PTPN12: variants seen among roughly 807,000 people sequenced by gnomAD.
The protein encoded by PTPN12 is tyrosine-protein phosphatase non-receptor type 12.
A neutral mutation model predicts 97.6 loss-of-function variants in PTPN12; 29 were observed. That is an observed-to-expected ratio of 0.30 (90% CI 0.22 to 0.41). The LOEUF (loss-of-function observed/expected upper bound fraction) is 0.41. Ranked by LOEUF, PTPN12 falls within the 10% of genes least tolerant of loss-of-function variation. The probability of loss-of-function intolerance (pLI) is 1.00; values close to 1 mark genes in which losing one functional copy is unlikely to be tolerated. For missense variants in PTPN12, 819 were observed against 926.0 expected (o/e 0.88, Z 1.50); for synonymous variants, 327 against 300.4 (o/e 1.09, Z -0.91).
At chr7:77,628,650 G>A (rs149765508) in intron 13 of PTPN12, among the ~76,000 whole-genome samples, 60 of 150,104 alleles carry the variant, frequency 4.0e-4, no homozygotes, top group African/African-American at 1.2e-3. Context: ...GCAAGATCTC[G>A]GCTCAGCCTC....
chr7:77,631,294 C>G (rs1015663297), intron 13 of PTPN12, among the ~76,000 whole-genome samples: 1 of 152,150 alleles, frequency 6.6e-6, no homozygotes, highest in South Asian at 2.1e-4. Context: ...TATTTTCTTG[C>G]GTCTCCAGCT....
At chr7:77,619,315 C>T (rs1161058446) in intron 12 of PTPN12, among the ~76,000 whole-genome samples, 1 of 152,170 alleles carries the variant, frequency 6.6e-6, no homozygotes, top group East Asian at 1.9e-4. Flanking sequence ...CCAATTGTTT[C>T]CATCTTAAAA....
chr7:77,538,783 G>A (rs1232795437), intron 1 of PTPN12: 1 of 152,066 alleles, frequency 6.6e-6, no homozygotes, highest in African/African-American at 2.4e-5. Flanking sequence ...CCCGGCTTAG[G>A]AGGCGGTGGT....
At chr7:77,616,874 T>C (rs9641260) in intron 11 of PTPN12, among the ~76,000 whole-genome samples, 109,879 of 151,938 alleles carry the variant, frequency 0.72, 41,108 homozygotes, top group East Asian at 0.9. Context: ...CCTCTGCCTC[T>C]CAGGTTCAAG....
intron 12 of PTPN12, among the ~76,000 whole-genome samples, chr7:77,618,932 C>T (rs562932906): frequency 3.3e-5 from 5 of 152,268 alleles, no homozygotes; most frequent in South Asian, 2.1e-4. Flanking sequence ...TATTTAATAA[C>T]GTTACTAGCA....
At chr7:77,566,810 G>A (rs1489488009) in intron 1 of PTPN12, among the ~76,000 whole-genome samples, 1 of 152,096 alleles carries the variant, frequency 6.6e-6, no homozygotes, top group Non-Finnish European at 1.5e-5. Context: ...AAAGTCACAC[G>A]ATAAAGGGTG....
In PTPN12 at chr7:77,583,633, TG is replaced by T. The variant is rs1344593736; in HGVS notation, c.367del (p.Glu123SerfsTer5). On this transcript the variant is annotated frameshift_variant, in exon 4 of 18. Transcript: ENST00000248594. LOFTEE classifies it high-confidence loss of function. ...AGTAATAGATTTTTGGAGGATGATA[TG>T]GGAGTATAATGTTGTGGTAAGTAAT... ...NTVIDFWRMIWEYNVVIIVMA... is the reference protein window; with the variant it reads ...NTVIDFWRMIXEYNVVIIVMA... The T allele has an allele frequency of 6.3e-7, 1 of 1,597,012 alleles. No individual in the cohort carries two copies. Among genetic ancestry groups the T allele is most frequent in the Non-Finnish European group, 8.6e-7 (1 of 1,166,990 alleles).
chr7:77,638,568 A>G (rs1789687304), intron 16 of PTPN12, 56 bp from the exon 17 acceptor site: 18 of 1,488,636 alleles, frequency 1.2e-5, no homozygotes, highest in Non-Finnish European at 1.3e-5. Flanking sequence ...AAAGAGTTAT[A>G]TATATATGAT....
chr7:77,611,295 T>G (rs17381939), intron 11 of PTPN12, among the ~76,000 whole-genome samples: 2,796 of 152,374 alleles, frequency 0.018, 33 homozygotes, highest in Middle Eastern at 0.071. Context: ...TCAAAAATCA[T>G]ATAATTCGTT....
At chr7:77,604,512 C>T (rs2151366886) in intron 8 of PTPN12, among the ~76,000 whole-genome samples, 1 of 152,120 alleles carries the variant, frequency 6.6e-6, no homozygotes, top group African/African-American at 2.4e-5. Context: ...CTGCGCCCAG[C>T]CTCATCTTTT....
At chr7:77,633,640 A>T (rs2151406354) in intron 14 of PTPN12, among the ~76,000 whole-genome samples, 1 of 151,932 alleles carries the variant, frequency 6.6e-6, no homozygotes, top group East Asian at 1.9e-4. Context: ...TATTTATGAA[A>T]ACATTAATTG....
intron 7 of PTPN12, among the ~76,000 whole-genome samples, chr7:77,598,825 A>G (rs1376668977): frequency 6.6e-6 from 1 of 150,666 alleles, no homozygotes; most frequent in Non-Finnish European, 1.5e-5. Flanking sequence ...TATATAATAT[A>G]TATTATTATT....
chr7:77,581,561 G>T, intron 3 of PTPN12, 58 bp downstream of exon 3: 1 of 1,120,532 alleles, frequency 8.9e-7, no homozygotes. Context: ...CTACATACTA[G>T]TTTTGTAAAA....
chr7:77,615,549 C>T (rs1034140482), intron 11 of PTPN12, among the ~76,000 whole-genome samples: 16 of 152,128 alleles, frequency 1.1e-4, no homozygotes, highest in Admixed American at 9.2e-4. Flanking sequence ...GAGTTTGAGA[C>T]CTGCCAGGGC....
At chr7:77,612,717 A>G (rs372013511) in intron 11 of PTPN12, among the ~76,000 whole-genome samples, 48 of 151,006 alleles carry the variant, frequency 3.2e-4, no homozygotes, top group African/African-American at 1.1e-3. Context: ...GATTACAGGC[A>G]TGAGCCACCG....
chr7:77,627,510 A>G lies in PTPN12; in HGVS notation c.1831A>G (p.Arg611Gly), dbSNP rs947095687. Residue 611 changes from arginine to glycine, a missense_variant, in exon 13 of 18, where the codon AGA (arginine) becomes GGA (glycine). By Grantham distance (125) the Arg-to-Gly change is moderately radical. Transcript: ENST00000248594. ...LHSDDSDSDE[R>G]NSDGAVTQNK... The stretch of plus-strand genomic sequence containing the variant: ...CTCTGATGACTCAGACTCAGATGAA[A>G]GAAACTCTGATGGTGCTGTGACCCA... 1.2e-5 allele frequency: 19 copies of G among 1,613,960 alleles called. No homozygotes were observed. Among genetic ancestry groups the G allele is most frequent in the Non-Finnish European group, 1.5e-5 (18 of 1,179,970 alleles).
rs1445894052 is a variant in PTPN12, at chr7:77,566,477, T to C, written c.100-4601T>C. 2.6e-5 allele frequency among the ~76,000 whole-genome samples: 4 copies of C among 152,086 alleles called. No homozygotes were observed. The East Asian group carries it at 7.7e-4, about 29-fold the overall frequency. On this transcript the variant is annotated intron_variant, in intron 1 of 17. Coordinates refer to ENST00000248594, the MANE Select transcript of PTPN12 (RefSeq NM_002835.4). ...TGGCTTATGGCTGTAATCCCATCACTTTGGGAGGCTAAGGTGGGCAGATGG... is the reference window on the plus strand; with the variant it reads ...TGGCTTATGGCTGTAATCCCATCACCTTGGGAGGCTAAGGTGGGCAGATGG...
intron 1 of PTPN12, among the ~76,000 whole-genome samples, chr7:77,569,289 G>A (rs1366263806): frequency 6.6e-6 from 1 of 152,036 alleles, no homozygotes; most frequent in Admixed American, 6.6e-5. Flanking sequence ...TGTATATAAT[G>A]TACACTATTG....
intron 1 of PTPN12, among the ~76,000 whole-genome samples, chr7:77,563,308 G>A (rs1457605672): frequency 6.6e-6 from 1 of 152,136 alleles, no homozygotes; most frequent in Non-Finnish European, 1.5e-5. Flanking sequence ...CCTACTATTT[G>A]TTATGGGATT....
Sources: allele counts gnomAD v4.1 joint callset (sites outside exome capture counted in the v4.1 genomes callset), GRCh38; gene constraint gnomAD v4.1.1; transcripts MANE v1.5; gene names NCBI Gene and HGNC (gene_info 2026-07-23, HGNC 2026-07-21).